SASH3: variants seen among roughly 807,000 people sequenced by gnomAD.
The protein encoded by SASH3 is SAM and SH3 domain containing 3, also known as SAM and SH3 domain-containing protein 3.
Under a neutral mutation model 26.1 loss-of-function variants are expected in SASH3, and 7 were observed. The observed-to-expected ratio is 0.27, with a 90% CI of 0.15 to 0.50. The LOEUF (loss-of-function observed/expected upper bound fraction) is 0.50, where lower values mean the gene tolerates loss of function less well. Among genes scored for constraint, SASH3 ranks in the 20% least tolerant of loss-of-function variants. SASH3 has a pLI of 0.98. For missense variants in SASH3, 231 were observed against 318.3 expected, an observed-to-expected ratio of 0.73 and a Z score of 2.09; for synonymous variants, 138 against 136.8, an observed-to-expected ratio of 1.01 and a Z score of -0.06.
At chrX:129,788,288 C>T (rs1457306230) in intron 2 of SASH3, 143 bp from the exon 3 acceptor site, 2 of 605,478 alleles carry the variant, frequency 3.3e-6, no homozygotes, top group Non-Finnish European at 5.3e-6. Context: ...AAGGACATGG[C>T]TGGGGTTAAG....
intron 4 of SASH3, among the ~76,000 whole-genome samples, chrX:129,791,406 G>A (rs1178087709): frequency 8.9e-6 from 1 of 112,054 alleles, no homozygotes; most frequent in Non-Finnish European, 1.9e-5. Flanking sequence ...ACGGGCAGAG[G>A]AAGAGTCTCA....
chrX:129,792,221 G>A (rs1320942380), intron 4 of SASH3, 107 bp from the exon 5 acceptor site: 3 of 938,504 alleles, frequency 3.2e-6, no homozygotes, highest in African/African-American at 2.0e-5. Flanking sequence ...CCTTCCCGGT[G>A]TATACCCTTG....
chrX:129,783,351 C>A (rs1040248743), intron 1 of SASH3, among the ~76,000 whole-genome samples: 5 of 111,982 alleles, frequency 4.5e-5, no homozygotes, highest in Non-Finnish European at 9.4e-5. Flanking sequence ...CTCTGCACTC[C>A]CACCTGCTTT....
At position 129,792,273 on chromosome X, in the gene SASH3, T is replaced by A. The variant is rs977043267; in HGVS notation, c.443-55T>A. On this transcript the variant is annotated intron_variant, in intron 4 of 7. Transcript: ENST00000356892. ...CCCCTGGAAGGCACCTGCTAGGCAC[T>A]GTCTCAGCTGTTCTAGGACAAAGGT... 5 of 1,148,939 alleles carry A rather than the reference T, an allele frequency of 4.4e-6. No individual in the cohort carries two copies. In the African/African-American group the frequency reaches 9.1e-5, roughly 21 times the overall value. The allele number at this position is 1,148,939 out of a possible 1,213,427, so 94.7% of individuals were successfully genotyped here. A position where few individuals can be genotyped will look rare whatever the true frequency, so the allele number is the denominator to read the frequency against.
intron 3 of SASH3, among the ~76,000 whole-genome samples, chrX:129,789,168 A>AAAGAGAG (rs1556001597): frequency 1.7e-4 from 9 of 52,293 alleles, no homozygotes; most frequent in African/African-American, 7.5e-4. Context: ...AAAGAAAGAG[A>AAAGAGAG]AAAAAAAAAA....
At chrX:129,780,553 G>A (rs748952964) in intron 1 of SASH3, among the ~76,000 whole-genome samples, 4 of 112,562 alleles carry the variant, frequency 3.6e-5, no homozygotes, top group South Asian at 3.6e-4. Context: ...CCCCGGCCAC[G>A]GCCTCTCAGG....
intron 5 of SASH3, 57 bp downstream of exon 5, chrX:129,792,533 C>T (rs896346168): frequency 5.8e-6 from 7 of 1,205,414 alleles, no homozygotes; most frequent in Non-Finnish European, 7.9e-6. Flanking sequence ...AAAAAGGAAG[C>T]TGGACTGAAC....
At chrX:129,788,615 G>C in intron 3 of SASH3, 38 bp downstream of exon 3, 1 of 1,182,794 alleles carries the variant, frequency 8.5e-7, no homozygotes, top group Non-Finnish European at 1.1e-6. Flanking sequence ...GTGTCCAGGG[G>C]GCCTGGGGAC....
At position 129,780,004 on chromosome X, in the gene SASH3, C is replaced by T. The variant is rs1299328815; in HGVS notation, c.-94C>T. ...TGGCAGCTGAAGGCTCGGTTCATGC[C>T]GTGCCCCCGGGCAGTTCTGGTGAGG... is the stretch of plus-strand genomic sequence containing the variant. On this transcript the variant is annotated 5_prime_UTR_variant, in exon 1 of 8. Transcript: ENST00000356892. 7.7e-6 allele frequency: 7 copies of T among 904,218 alleles called. No homozygotes were observed. The highest frequency in any genetic ancestry group is 3.9e-5 in the African/African-American group (2 of 50,968). The allele number at this position is 904,218 out of a possible 1,213,427, so 74.5% of individuals were successfully genotyped here.
intron 1 of SASH3, among the ~76,000 whole-genome samples, chrX:129,783,960 A>G (rs1641533317): frequency 8.9e-6 from 1 of 111,748 alleles, no homozygotes; most frequent in South Asian, 3.7e-4. Flanking sequence ...CATACAGAGA[A>G]GTGGATAAAT....
rs1361870447 is a variant in SASH3 at position 129,795,153 on chromosome X, G to C, written c.*1321G>C. The C allele has an allele frequency of 9.0e-6, 1 of 111,723 alleles. No homozygotes were observed. Among genetic ancestry groups the C allele is most frequent in the Non-Finnish European group, 1.9e-5 (1 of 53,045 alleles). The allele number at this position is 111,723 out of a possible 1,213,427, so 9.2% of individuals were successfully genotyped here. ...GGGAAGGGGTTGGGTGTAAATATGA[G>C]AGGGTGGAGGGAGACCAGCTGGTAG... is the stretch of plus-strand genomic sequence containing the variant. On this transcript the variant is annotated 3_prime_UTR_variant, in exon 8 of 8. Transcript: ENST00000356892.
At chrX:129,787,083 C>T (rs1478010945) in intron 1 of SASH3, among the ~76,000 whole-genome samples, 3 of 110,930 alleles carry the variant, frequency 2.7e-5, no homozygotes, top group African/African-American at 9.9e-5. Context: ...GGGCAGATCA[C>T]CTGAGGTCAG....
chrX:129,792,246 GT>G, intron 4 of SASH3, 81 bp from the exon 5 acceptor site: 1 of 1,075,828 alleles, frequency 9.3e-7, no homozygotes. Flanking sequence ...TTCTAGGCAG[GT>G]CCCCTGGAAG....
At chrX:129,792,249 C>CCCTGGAAGGCA (rs1409245724) in intron 4 of SASH3, 79 bp from the exon 5 acceptor site, 2 of 1,086,987 alleles carry the variant, frequency 1.8e-6, no homozygotes, top group Non-Finnish European at 2.5e-6. Context: ...TAGGCAGGTC[C>CCCTGGAAGGCA]CCTGGAAGGC....
At chrX:129,783,603 G>A (rs939772456) in intron 1 of SASH3, among the ~76,000 whole-genome samples, 14 of 112,266 alleles carry the variant, frequency 1.2e-4, no homozygotes, top group African/African-American at 3.9e-4. Context: ...TTCGAGGTGC[G>A]AATATGATGC....
At position 129,794,025 on chromosome X, in the gene SASH3, G is replaced by A. The variant is rs1040973167; in HGVS notation, c.*193G>A. 1.0e-4 allele frequency: 43 copies of A among 424,852 alleles called. No individual in the cohort carries two copies. Among genetic ancestry groups the A allele is most frequent in the Non-Finnish European group, 1.4e-4 (34 of 250,466 alleles). 35.0% of individuals were successfully genotyped at this position (424,852 alleles called of 1,213,427 possible). ...GCTCAGCTGGAGTGGTTGGGGAGTCGCCCAAGGGCACATCCCACCTGCCTG... is the reference window on the plus strand; with the variant it reads ...GCTCAGCTGGAGTGGTTGGGGAGTCACCCAAGGGCACATCCCACCTGCCTG... On this transcript the variant is annotated 3_prime_UTR_variant, in exon 8 of 8. Transcript: ENST00000356892.
At chrX:129,782,823 C>A (rs1927041827) in intron 1 of SASH3, among the ~76,000 whole-genome samples, 1 of 111,904 alleles carries the variant, frequency 8.9e-6, no homozygotes, top group South Asian at 3.7e-4. Flanking sequence ...TAGGACATGG[C>A]GCCTCCCATG....
At chrX:129,791,488 A>G (rs760368957) in intron 4 of SASH3, among the ~76,000 whole-genome samples, 27 of 112,225 alleles carry the variant, frequency 2.4e-4, no homozygotes, top group African/African-American at 8.4e-4. Context: ...TGGGCCTCTG[A>G]TGCCCCAGTC....
In SASH3 at chrX:129,780,011, C is replaced by A; in HGVS notation, c.-87C>A. 1.0e-6 allele frequency: 1 copy of A among 962,825 alleles called. No homozygotes were observed. The highest frequency in any genetic ancestry group is 3.1e-5 in the East Asian group (1 of 32,029). The allele number at this position is 962,825 out of a possible 1,213,427, so 79.3% of individuals were successfully genotyped here. A position where few individuals can be genotyped will look rare whatever the true frequency, so the allele number is the denominator to read the frequency against. ...TGAAGGCTCGGTTCATGCCGTGCCCCCGGGCAGTTCTGGTGAGGCTAAGCA... is the reference window on the plus strand; with the variant it reads ...TGAAGGCTCGGTTCATGCCGTGCCCACGGGCAGTTCTGGTGAGGCTAAGCA... On this transcript the variant is annotated 5_prime_UTR_variant, in exon 1 of 8. Coordinates refer to ENST00000356892, the MANE Select transcript of SASH3 (RefSeq NM_018990.4).
Sources: gnomAD v4.1 joint callset for allele counts (sites outside exome capture counted in the v4.1 genomes callset) on GRCh38, gnomAD v4.1.1 for gene constraint, MANE v1.5 for transcripts, NCBI Gene and HGNC (gene_info 2026-07-23, HGNC 2026-07-21) for gene names.